The following CDK2AP1 variants were observed in gnomAD, a reference collection of about 807,000 sequenced individuals.
CDK2AP1 encodes cyclin dependent kinase 2 associated protein 1.
In CDK2AP1, 10 loss-of-function variants were observed where a neutral mutation model predicts 14.1. That is an observed-to-expected ratio of 0.71 (90% CI 0.44 to 1.20). CDK2AP1 has a LOEUF of 1.20. Ranked by LOEUF, CDK2AP1 falls within the 50% of genes most tolerant of loss-of-function variation. The pLI, the probability that CDK2AP1 is intolerant of heterozygous loss-of-function variation, is 0.00. For synonymous variants in CDK2AP1, 59 were observed against 59.8 expected, an observed-to-expected ratio of 0.99 and a Z score of 0.06; for missense variants, 102 against 149.9, an observed-to-expected ratio of 0.68 and a Z score of 1.67.
rs1186078233 is a variant in CDK2AP1, at chr12:123,270,213, C to A, written c.55+1351G>T. On this transcript the variant is annotated intron_variant, in intron 1 of 3. Coordinates refer to ENST00000261692, the MANE Select transcript of CDK2AP1 (RefSeq NM_004642.4). ...GCCCGTCTTTGTAAGGTCTGCGGAC[C>A]CCAGAGGAGGTGAGAATGTTTGAGA... The A allele has an allele frequency of 1.0e-5, 10 of 984,250 alleles. No individual in the cohort carries two copies. In the South Asian group the frequency reaches 4.2e-4, roughly 42 times the overall value. 61.0% of individuals were successfully genotyped at this position (984,250 alleles called of 1,614,324 possible). A position where few individuals can be genotyped will look rare whatever the true frequency, so the allele number is the denominator to read the frequency against.
At chr12:123,262,713 C>CTAT (rs1444725663) in intron 3 of CDK2AP1, among the ~76,000 whole-genome samples, 1 of 152,160 alleles carries the variant, frequency 6.6e-6, no homozygotes, top group Non-Finnish European at 1.5e-5. Flanking sequence ...GAAGCTGGGA[C>CTAT]TATAGGCACG....
At chr12:123,263,143 G>A (rs1331062761) in intron 3 of CDK2AP1, among the ~76,000 whole-genome samples, 6 of 150,804 alleles carry the variant, frequency 4.0e-5, no homozygotes, top group East Asian at 2.0e-4. Context: ...CCCGGGAGGC[G>A]GAGGTTGCAG....
chr12:123,270,478 A>G (rs1186786739), intron 1 of CDK2AP1, among the ~76,000 whole-genome samples: 1 of 150,904 alleles, frequency 6.6e-6, no homozygotes, highest in African/African-American at 2.4e-5. Context: ...CAACGGGGCC[A>G]CTCCTCTCCC....
At chr12:123,267,065 G>C (rs959227980) in intron 2 of CDK2AP1, 120 bp downstream of exon 2, 1 of 721,644 alleles carries the variant, frequency 1.4e-6, no homozygotes, top group Non-Finnish European at 2.5e-6. Context: ...GCCTTGGGCT[G>C]AGAAAGCTCC....
chr12:123,263,551 C>A (rs1028956229), intron 3 of CDK2AP1, among the ~76,000 whole-genome samples: 3 of 152,340 alleles, frequency 2.0e-5, no homozygotes, highest in African/African-American at 7.2e-5. Context: ...TACCGGAGAG[C>A]AGCCCTGGGA....
intron 2 of CDK2AP1, among the ~76,000 whole-genome samples, chr12:123,266,039 C>T (rs1166797601): frequency 2.6e-5 from 4 of 152,174 alleles, no homozygotes; most frequent in Non-Finnish European, 4.4e-5. Context: ...CCCGGATCAG[C>T]GAGGCTGGGC....
intron 3 of CDK2AP1, among the ~76,000 whole-genome samples, chr12:123,262,930 C>A (rs1408275957): frequency 1.3e-5 from 2 of 151,922 alleles, no homozygotes; most frequent in African/African-American, 4.8e-5. Flanking sequence ...CATTAAGAAC[C>A]ATGCCTGTCG....
rs1030873589 is a variant in CDK2AP1, at chr12:123,270,925, T to C, written c.55+639A>G. On this transcript the variant is annotated intron_variant, in intron 1 of 3. Coordinates refer to ENST00000261692, the MANE Select transcript of CDK2AP1 (RefSeq NM_004642.4). ...CCGCGTGACCGCATGGGGTAGCCCC[T>C]GCTCCCACGCTCCCGGCCGAGGCCC... 8 of 985,082 alleles carry C rather than the reference T, an allele frequency of 8.1e-6. No homozygotes were observed. The African/African-American group carries it at 1.4e-4, about 17-fold the overall frequency. 61.0% of individuals were successfully genotyped at this position (985,082 alleles called of 1,614,324 possible).
At chr12:123,268,170 T>TA in intron 1 of CDK2AP1, 1 of 983,676 alleles carries the variant, frequency 1.0e-6, no homozygotes, top group Non-Finnish European at 1.2e-6. Flanking sequence ...AGAATTTACC[T>TA]AGTCCTCCTC....
chr12:123,261,681 A>G lies in CDK2AP1; in HGVS notation c.*55T>C, dbSNP rs1385213280. 3.5e-6 allele frequency: 5 copies of G among 1,421,828 alleles called. No homozygotes were observed. The highest frequency in any genetic ancestry group is 1.4e-5 in the African/African-American group (1 of 71,738). 88.1% of individuals were successfully genotyped at this position (1,421,828 alleles called of 1,614,324 possible). On this transcript the variant is annotated 3_prime_UTR_variant, in exon 4 of 4. Transcript: ENST00000261692. ...GGTTTCATCTGAACAGGGGAGATGA[A>G]CTGTAACTTCTCATCTTGTAAAAAG...
chr12:123,266,825 C>A (rs1039234630), intron 2 of CDK2AP1, among the ~76,000 whole-genome samples: 1 of 152,236 alleles, frequency 6.6e-6, no homozygotes. Context: ...GGGAACTGAC[C>A]CTATCTTCTG....
intron 1 of CDK2AP1, chr12:123,268,080 A>C: frequency 1.5e-6 from 1 of 654,042 alleles, no homozygotes; most frequent in Non-Finnish European, 1.9e-6. Context: ...GGCTAGGAGC[A>C]CGCGGCCCCG....
upstream of CDK2AP1, chr12:123,271,881 G>T (rs2048357495): frequency 6.8e-6 from 1 of 146,374 alleles, no homozygotes; most frequent in Non-Finnish European, 1.5e-5. Flanking sequence ...GGGCGGCCGG[G>T]GCCGGGAGGG....
intron 1 of CDK2AP1, chr12:123,270,087 G>A (rs1044186458): frequency 4.1e-5 from 14 of 341,828 alleles, no homozygotes; most frequent in Non-Finnish European, 5.4e-5. Context: ...ATGACACCAG[G>A]GTAAGCCTGA....
chr12:123,271,958 C>T (rs898912687), upstream of CDK2AP1: 2 of 146,836 alleles, frequency 1.4e-5, no homozygotes, highest in Admixed American at 1.4e-4. Flanking sequence ...GCGCTCGGCG[C>T]CCGCAACTTG....
chr12:123,262,843 C>G (rs1000167819), intron 3 of CDK2AP1, among the ~76,000 whole-genome samples: 1 of 152,162 alleles, frequency 6.6e-6, no homozygotes, highest in African/African-American at 2.4e-5. Flanking sequence ...CCTGGACCCA[C>G]AAACCTTTAT....
At chr12:123,263,769 A>G (rs988670730) in intron 3 of CDK2AP1, among the ~76,000 whole-genome samples, 9 of 152,124 alleles carry the variant, frequency 5.9e-5, no homozygotes, top group African/African-American at 2.2e-4. Flanking sequence ...CATAACTTCA[A>G]CTACAGCCCC....
At chr12:123,270,731 T>G (rs1252822750) in intron 1 of CDK2AP1, among the ~76,000 whole-genome samples, 1 of 151,814 alleles carries the variant, frequency 6.6e-6, no homozygotes, top group Non-Finnish European at 1.5e-5. Flanking sequence ...CCAGGAAGCT[T>G]GAGGGGAGCC....
At chr12:123,261,877 G>A (rs1283335539) in intron 3 of CDK2AP1, 74 bp from the exon 4 acceptor site, 2 of 1,019,582 alleles carry the variant, frequency 2.0e-6, no homozygotes, top group African/African-American at 3.1e-5. Flanking sequence ...GAAACAGCAA[G>A]AGGATCCATC....
Sources: allele counts gnomAD v4.1 joint callset (sites outside exome capture counted in the v4.1 genomes callset), GRCh38; gene constraint gnomAD v4.1.1; transcripts MANE v1.5; gene names NCBI Gene and HGNC (gene_info 2026-07-23, HGNC 2026-07-21).